The following DPP6 variants were observed in gnomAD, a reference collection of about 807,000 sequenced individuals.
DPP6 encodes A-type potassium channel modulatory protein DPP6.
DPP6 carries 69 observed loss-of-function variants against 122.6 expected under a neutral mutation model. The ratio of observed to expected loss-of-function variants is 0.56; its 90% CI spans 0.46 to 0.69. The LOEUF (loss-of-function observed/expected upper bound fraction) is 0.69. DPP6 is among the 30% of genes least tolerant of loss of function. The probability of loss-of-function intolerance (pLI) is 0.00; values close to 1 mark genes in which losing one functional copy is unlikely to be tolerated. For missense variants in DPP6, 928 were observed against 1,116.9 expected, an observed-to-expected ratio of 0.83 and a Z score of 2.41; for synonymous variants, 418 against 433.1, an observed-to-expected ratio of 0.97 and a Z score of 0.43.
intron 7 of DPP6, among the ~76,000 whole-genome samples, chr7:154,682,427 A>G (rs570519701): frequency 1.3e-5 from 2 of 152,360 alleles, no homozygotes; most frequent in Admixed American, 1.3e-4. Context: ...CCGCAGTGTC[A>G]TAAGGAACAG....
At chr7:154,283,046 GT>G (rs1276312852) in intron 1 of DPP6, among the ~76,000 whole-genome samples, 1 of 152,164 alleles carries the variant, frequency 6.6e-6, no homozygotes, top group Non-Finnish European at 1.5e-5. Flanking sequence ...CCTATCTCCA[GT>G]TCCTACCCCA....
chr7:154,351,566 C>A (rs1466967875), intron 1 of DPP6, among the ~76,000 whole-genome samples: 1 of 152,178 alleles, frequency 6.6e-6, no homozygotes, highest in Non-Finnish European at 1.5e-5. Context: ...CCTGCCTGCC[C>A]ACACTCGGTG....
intron 1 of DPP6, among the ~76,000 whole-genome samples, chr7:154,021,417 T>G (rs1798694485): frequency 6.6e-6 from 1 of 152,092 alleles, no homozygotes; most frequent in Non-Finnish European, 1.5e-5. Context: ...CCTCCCAGAG[T>G]GCTGTAGCCC....
chr7:154,276,428 A>T lies in DPP6; in HGVS notation c.244-169786A>T, dbSNP rs113427271. Among the ~76,000 whole-genome samples, 1,155 of 152,334 alleles carry T rather than the reference A, an allele frequency of 7.6e-3. 22 individuals are homozygous for T. The highest frequency in any genetic ancestry group is 0.025 in the African/African-American group (1,035 of 41,570). On this transcript the variant is annotated intron_variant, in intron 1 of 25. Transcript: ENST00000377770. Reference sequence around the variant, plus strand: ...ATTTCCCTTTTGACAGCCAGAATAGAATCGTTTAGCAAATGGCATTGATAA... The same window carrying T: ...ATTTCCCTTTTGACAGCCAGAATAGTATCGTTTAGCAAATGGCATTGATAA...
rs905593436 is a variant in DPP6 at position 154,863,191 on chromosome 7, C to G, written c.1715-4804C>G. Among the ~76,000 whole-genome samples, 1 of 152,168 alleles carries G rather than the reference C, an allele frequency of 6.6e-6. No homozygotes were observed. The highest frequency in any genetic ancestry group is 1.5e-5 in the Non-Finnish European group (1 of 67,998). ...CATTGGGATTACAGACGTGAGCCACCGCACCCGAACCCTTTCCTTTGTCTT... is the reference window on the plus strand; with the variant it reads ...CATTGGGATTACAGACGTGAGCCACGGCACCCGAACCCTTTCCTTTGTCTT... On this transcript the variant is annotated intron_variant, in intron 17 of 25. Transcript: ENST00000377770. The surrounding 1 kb of genome is among the most constrained non-coding windows in gnomAD (Gnocchi z 4.1).
At chr7:153,784,521 G>T in the DPP6 span, among the ~76,000 whole-genome samples, 5 of 152,184 alleles carry the variant, frequency 3.3e-5, 1 homozygote, top group Admixed American at 3.3e-4. Context: ...TGTTTTAGAA[G>T]AATAAGTTTT....
intron 1 of DPP6, among the ~76,000 whole-genome samples, chr7:154,148,452 C>T (rs1433879415): frequency 6.7e-6 from 1 of 150,354 alleles, no homozygotes; most frequent in African/African-American, 2.5e-5. Context: ...GACGTGTGAC[C>T]GTGTGCACAG....
chr7:154,052,343 G>C (rs7798068), upstream of DPP6: 7,983 of 153,764 alleles, frequency 0.052, 672 homozygotes, highest in African/African-American at 0.18. This position sits in a 1 kb window ranked among gnomAD's most constrained non-coding sequence, Gnocchi z 4.8. Flanking sequence ...GGAGGGGCCG[G>C]GGTGGAGGAG....
the DPP6 span, among the ~76,000 whole-genome samples, chr7:153,857,721 T>A: frequency 2.0e-5 from 3 of 152,184 alleles, no homozygotes; most frequent in African/African-American, 7.2e-5. Context: ...TAAACACATA[T>A]CTACAGTGCT....
At chr7:154,857,936 T>A (rs1254100632) in intron 17 of DPP6, among the ~76,000 whole-genome samples, 1 of 152,054 alleles carries the variant, frequency 6.6e-6, no homozygotes, top group East Asian at 1.9e-4. Context: ...AGGCAGTGAG[T>A]CACCCATCCC....
chr7:154,684,295 C>G (rs1839465825), intron 7 of DPP6, among the ~76,000 whole-genome samples: 1 of 152,080 alleles, frequency 6.6e-6, no homozygotes, highest in Admixed American at 6.5e-5. Flanking sequence ...TCACTCTCTG[C>G]TTTTGTGACC....
At chr7:153,963,173 A>AGGAGG (rs1202218602) in intron 1 of DPP6, among the ~76,000 whole-genome samples, 2 of 152,168 alleles carry the variant, frequency 1.3e-5, no homozygotes, top group African/African-American at 4.8e-5. Context: ...ATGTGAGGGT[A>AGGAGG]GGAGGGAAGG....
At chr7:154,762,889 C>T (rs1795646438) in intron 8 of DPP6, among the ~76,000 whole-genome samples, 1 of 152,226 alleles carries the variant, frequency 6.6e-6, no homozygotes, top group Admixed American at 6.5e-5. Context: ...GTCCAACCTG[C>T]CTCCGATGGT....
At chr7:154,198,997 C>A (rs1799021597) in intron 1 of DPP6, among the ~76,000 whole-genome samples, 1 of 147,364 alleles carries the variant, frequency 6.8e-6, no homozygotes, top group Non-Finnish European at 1.5e-5. Flanking sequence ...AATCCTTCAC[C>A]TGGGCTATTG....
rs547522267 is a variant in DPP6 at position 153,901,626 on chromosome 7, G to A, written c.51+13892G>A. On this transcript the variant is annotated intron_variant, in intron 1 of 25. Transcript: ENST00000404039. ...TCAGCTTCTACCAGGACTAACTTCA[G>A]TGAGCACAGGAATGGCATTGCTGTT... Among the ~76,000 whole-genome samples, 5 of 152,350 alleles carry A rather than the reference G, an allele frequency of 3.3e-5. No homozygotes were observed. In the East Asian group the frequency reaches 9.6e-4, roughly 29 times the overall value.
chr7:154,615,771 T>A (rs1420688993), intron 5 of DPP6, among the ~76,000 whole-genome samples: 1 of 152,168 alleles, frequency 6.6e-6, no homozygotes, highest in Non-Finnish European at 1.5e-5. Flanking sequence ...CGTTAAATAC[T>A]AACTCCCCTT....
intron 1 of DPP6, among the ~76,000 whole-genome samples, chr7:154,120,965 A>G (rs375626268): frequency 4.3e-4 from 65 of 152,270 alleles, no homozygotes; most frequent in Non-Finnish European, 8.7e-4. Context: ...GGTGGAGACA[A>G]TTGAATCCTG....
chr7:154,534,997 G>A (rs1288716715), intron 3 of DPP6, among the ~76,000 whole-genome samples: 2 of 152,020 alleles, frequency 1.3e-5, no homozygotes, highest in Non-Finnish European at 2.9e-5. Context: ...ACACAGTGTG[G>A]CATTGGCATA....
intron 1 of DPP6, among the ~76,000 whole-genome samples, chr7:154,197,179 G>T (rs1287275073): frequency 6.6e-6 from 1 of 151,736 alleles, no homozygotes; most frequent in Non-Finnish European, 1.5e-5. Flanking sequence ...TTTATTCATT[G>T]ATATTGTGAT....
Sources: gnomAD v4.1 joint callset for allele counts (sites outside exome capture counted in the v4.1 genomes callset) on GRCh38, gnomAD v4.1.1 for gene constraint, Gnocchi (gnomAD v3.1) non-coding constraint, MANE v1.5 for transcripts, NCBI Gene and HGNC (gene_info 2026-07-23, HGNC 2026-07-21) for gene names.